The following DIAPH2 variants were observed in gnomAD, a reference collection of about 807,000 sequenced individuals.
DIAPH2 encodes the protein diaphanous related formin 2.
Under a neutral mutation model 92.7 loss-of-function variants are expected in DIAPH2, and 35 were observed. That is an observed-to-expected ratio of 0.38 (90% CI 0.29 to 0.50). DIAPH2 has a LOEUF of 0.50. Ranked by LOEUF, DIAPH2 falls within the 20% of genes least tolerant of loss-of-function variation. DIAPH2 has a pLI of 0.94. For missense variants in DIAPH2, 701 were observed against 819.5 expected (o/e 0.86, Z 1.77); for synonymous variants, 301 against 280.4 (o/e 1.07, Z -0.73).
intron 3 of DIAPH2, among the ~76,000 whole-genome samples, chrX:96,756,284 C>T (rs943229578): frequency 9.1e-6 from 1 of 110,264 alleles, no homozygotes; most frequent in African/African-American, 3.3e-5. Flanking sequence ...ATCCAAACTC[C>T]CTCCTCTTCT....
At chrX:97,430,338 A>G (rs2070113555) in intron 26 of DIAPH2, among the ~76,000 whole-genome samples, 1 of 112,028 alleles carries the variant, frequency 8.9e-6, no homozygotes, top group South Asian at 3.7e-4. Context: ...AAGTAAAACA[A>G]CCTCCCTCAC....
In DIAPH2 at chrX:97,290,841, G is replaced by A. The variant is rs372022513; in HGVS notation, c.2844+43002G>A. Among the ~76,000 whole-genome samples the A allele has an allele frequency of 4.5e-5, 5 of 111,905 alleles. 1 individual carries two copies. Among genetic ancestry groups the A allele is most frequent in the East Asian group, 2.8e-4 (1 of 3,576 alleles). On this transcript the variant is annotated intron_variant, in intron 23 of 26. Transcript: ENST00000324765. Reference sequence around the variant, plus strand: ...TGTAATCCCAACACACTGGGAGGCCGAGGCAGGTGTATCACTTGAGGTTGG... The same window carrying A: ...TGTAATCCCAACACACTGGGAGGCCAAGGCAGGTGTATCACTTGAGGTTGG...
chrX:97,209,436 A>C lies in DIAPH2; in HGVS notation c.2720-38279A>C, dbSNP rs182231927. ...TGAGACATTTTAAAAAATTGTGCCA[A>C]TACATATAAAGTGGTAAGCTTTTTG... On this transcript the variant is annotated intron_variant, in intron 22 of 26. Transcript: ENST00000324765. Among the ~76,000 whole-genome samples the C allele has an allele frequency of 1.4e-3, 158 of 111,752 alleles. 3 individuals carry two copies. The highest frequency in any genetic ancestry group is 4.7e-3 in the Middle Eastern group (1 of 212).
rs1377045442 is a variant in DIAPH2, at chrX:97,510,094, A to G, written c.3241+80349A>G. On this transcript the variant is annotated intron_variant, in intron 26 of 26. Coordinates refer to ENST00000324765, the MANE Select transcript of DIAPH2 (RefSeq NM_006729.5). The stretch of plus-strand genomic sequence containing the variant: ...CTGAGGAATCGCCACACTGACTTCC[A>G]CAATGGTTGAACTAGTTTACAGTCC... Among the ~76,000 whole-genome samples the G allele has an allele frequency of 2.3e-3, 253 of 110,524 alleles. 1 individual carries two copies. The highest frequency in any genetic ancestry group is 8.2e-3 in the African/African-American group (249 of 30,252).
intron 17 of DIAPH2, among the ~76,000 whole-genome samples, chrX:97,026,335 C>T (rs939717680): frequency 6.3e-5 from 7 of 111,851 alleles, no homozygotes; most frequent in Non-Finnish European, 1.9e-5. Flanking sequence ...GTAGTAAATG[C>T]TCAATAAATA....
At chrX:96,731,410 A>G (rs898589305) in intron 1 of DIAPH2, among the ~76,000 whole-genome samples, 9 of 111,843 alleles carry the variant, frequency 8.0e-5, no homozygotes, top group Admixed American at 4.7e-4. Context: ...AGAGAAGAAA[A>G]TAGTCAAATA....
At chrX:96,845,761 A>G (rs929044807) in intron 4 of DIAPH2, among the ~76,000 whole-genome samples, 6 of 111,790 alleles carry the variant, frequency 5.4e-5, no homozygotes, top group Admixed American at 4.7e-4. Context: ...GAAAGCAAAA[A>G]CACCATTTAT....
intron 4 of DIAPH2, among the ~76,000 whole-genome samples, chrX:96,769,874 A>T (rs2064327244): frequency 8.9e-6 from 1 of 112,047 alleles, no homozygotes; most frequent in Non-Finnish European, 1.9e-5. Context: ...GCTGACAATG[A>T]AGGTAATACT....
At chrX:97,215,513 C>T (rs1446540343) in intron 22 of DIAPH2, among the ~76,000 whole-genome samples, 2 of 111,971 alleles carry the variant, frequency 1.8e-5, no homozygotes, top group Non-Finnish European at 3.8e-5. Flanking sequence ...TATTTGCTCA[C>T]CATCAGCCAT....
chrX:97,271,812 T>TGCAC (rs1277931921), intron 23 of DIAPH2, among the ~76,000 whole-genome samples: 3 of 26,218 alleles, frequency 1.1e-4, no homozygotes, highest in Admixed American at 1.3e-3. Flanking sequence ...TATATATATA[T>TGCAC]GCACACACAC....
At chrX:97,048,584 G>A (rs1398473984) in intron 17 of DIAPH2, among the ~76,000 whole-genome samples, 1 of 110,790 alleles carries the variant, frequency 9.0e-6, no homozygotes, top group East Asian at 2.8e-4. Context: ...TTAAGACCAT[G>A]CACATATCTT....
chrX:97,359,875 C>G lies in DIAPH2; in HGVS notation c.3009+11595C>G, dbSNP rs900025334. On this transcript the variant is annotated intron_variant, in intron 24 of 26. Coordinates refer to ENST00000324765, the MANE Select transcript of DIAPH2 (RefSeq NM_006729.5). ...ACAGGCGTGAGCCACTGCGCCCGGC[C>G]ATGTTATAATCTTAATAATGAGGCA... Among the ~76,000 whole-genome samples, 17 of 111,404 alleles carry G rather than the reference C, an allele frequency of 1.5e-4. No homozygotes were observed. The Admixed American group carries it at 1.5e-3, about 10-fold the overall frequency.
chrX:97,245,792 C>T (rs371110417), intron 22 of DIAPH2, among the ~76,000 whole-genome samples: 2 of 111,645 alleles, frequency 1.8e-5, no homozygotes, highest in South Asian at 7.6e-4. Flanking sequence ...AGTTCTTCAG[C>T]TTAAAATACT....
At chrX:96,996,522 G>A (rs1249518688) in intron 17 of DIAPH2, among the ~76,000 whole-genome samples, 1 of 111,491 alleles carries the variant, frequency 9.0e-6, no homozygotes, top group Non-Finnish European at 1.9e-5. Flanking sequence ...AATGAACTAG[G>A]TAGTTGAATT....
At chrX:97,468,162 A>G (rs1456293334) in intron 26 of DIAPH2, among the ~76,000 whole-genome samples, 1 of 112,090 alleles carries the variant, frequency 8.9e-6, no homozygotes, top group Non-Finnish European at 1.9e-5. Flanking sequence ...CGTCCATACA[A>G]GAGACAGCCC....
At chrX:97,365,217 A>G (rs1190182878) in intron 24 of DIAPH2, among the ~76,000 whole-genome samples, 1 of 111,352 alleles carries the variant, frequency 9.0e-6, no homozygotes, top group African/African-American at 3.3e-5. Context: ...TCAGCAAAGA[A>G]AAAAAAATCT....
intron 23 of DIAPH2, among the ~76,000 whole-genome samples, chrX:97,290,330 G>A (rs2068579710): frequency 1.8e-5 from 2 of 111,314 alleles, no homozygotes; most frequent in Admixed American, 1.9e-4. Context: ...GAAGCTAAAG[G>A]TTGTTTAGCA....
intron 26 of DIAPH2, 48 bp downstream of exon 26, chrX:97,429,793 G>C (rs1381923041): frequency 1.9e-6 from 2 of 1,059,846 alleles, no homozygotes; most frequent in Non-Finnish European, 2.5e-6. Flanking sequence ...TGAATGTTCA[G>C]AGCAAAGTAG....
chrX:97,549,823 G>T (rs938875310), intron 26 of DIAPH2, among the ~76,000 whole-genome samples: 5 of 111,330 alleles, frequency 4.5e-5, no homozygotes, highest in Non-Finnish European at 9.4e-5. Context: ...AAGCAAATCC[G>T]CATTCTACAA....
Sources: allele counts gnomAD v4.1 joint callset (sites outside exome capture counted in the v4.1 genomes callset), GRCh38; gene constraint gnomAD v4.1.1; transcripts MANE v1.5; gene names NCBI Gene and HGNC (gene_info 2026-07-23, HGNC 2026-07-21).